VANGL2: variants seen among roughly 807,000 people sequenced by gnomAD.
The protein encoded by VANGL2 is vang-like protein 2.
VANGL2 carries 14 observed loss-of-function variants against 50.2 expected under a neutral mutation model. The observed-to-expected ratio is 0.28, with a 90% confidence interval of 0.18 to 0.44. The LOEUF (loss-of-function observed/expected upper bound fraction) is 0.44. Among genes scored for constraint, VANGL2 ranks in the 20% least tolerant of loss-of-function variants. The pLI is 1.00. For synonymous variants in VANGL2, 295 were observed against 297.2 expected (o/e 0.99, Z 0.08); for missense variants, 533 against 701.5 (o/e 0.76, Z 2.71).
At position 160,400,878 on chromosome 1, in the gene VANGL2, C is replaced by T. The variant is rs1430106398; in HGVS notation, c.-191+9C>T. The stretch of plus-strand genomic sequence containing the variant: ...GCAGTTCGCAGCGGCGGGTGAGTGC[C>T]GGGCCGCGGGGGCGCGGGCAAAGTT... On this transcript the variant is annotated intron_variant, in intron 1 of 7. Transcript: ENST00000368061. 1 of 151,690 alleles carries T rather than the reference C, an allele frequency of 6.6e-6. No homozygotes were observed. The highest frequency in any genetic ancestry group is 1.5e-5 in the Non-Finnish European group (1 of 68,020). 9.4% of individuals were successfully genotyped at this position (151,690 alleles called of 1,614,324 possible).
intron 1 of VANGL2, among the ~76,000 whole-genome samples, chr1:160,407,751 C>T (rs925170166): frequency 3.9e-5 from 6 of 152,182 alleles, no homozygotes; most frequent in African/African-American, 1.2e-4. Context: ...CCACCCTCTC[C>T]CTGAAGACAC....
intron 1 of VANGL2, among the ~76,000 whole-genome samples, chr1:160,412,698 A>G (rs1650923190): frequency 6.6e-6 from 1 of 152,222 alleles, no homozygotes; most frequent in Non-Finnish European, 1.5e-5. Context: ...AACTAATCCT[A>G]TGGAGGATTG....
intron 6 of VANGL2, 127 bp from the exon 7 acceptor site, chr1:160,423,925 T>C: frequency 2.9e-6 from 3 of 1,021,316 alleles, no homozygotes; most frequent in Non-Finnish European, 4.5e-6. Context: ...CCTCTGGCTT[T>C]GTATTACTTT....
In VANGL2 at chr1:160,425,512, C is replaced by T. The variant is rs529068314; in HGVS notation, c.*134C>T. On this transcript the variant is annotated 3_prime_UTR_variant, in exon 8 of 8. Transcript: ENST00000368061. Reference sequence around the variant, plus strand: ...TTTTTTTTTTACTTGAATTAACGCACCCCCACCTTCTCTCCTCGCTTCTTC... The same window carrying T: ...TTTTTTTTTTACTTGAATTAACGCATCCCCACCTTCTCTCCTCGCTTCTTC... 4.9e-6 allele frequency: 4 copies of T among 818,496 alleles called. No homozygotes were observed. Among genetic ancestry groups the T allele is most frequent in the Admixed American group, 2.9e-5 (1 of 34,236 alleles). The allele number at this position is 818,496 out of a possible 1,614,324, so 50.7% of individuals were successfully genotyped here.
At chr1:160,409,951 C>A (rs1650817658) in intron 1 of VANGL2, among the ~76,000 whole-genome samples, 1 of 152,310 alleles carries the variant, frequency 6.6e-6, no homozygotes, top group African/African-American at 2.4e-5. Context: ...CACATGCATA[C>A]CCCTGCCCAC....
At position 160,425,483 on chromosome 1, in the gene VANGL2, G is replaced by T; in HGVS notation, c.*105G>T. On this transcript the variant is annotated 3_prime_UTR_variant, in exon 8 of 8. Coordinates refer to ENST00000368061, the MANE Select transcript of VANGL2 (RefSeq NM_020335.3). ...CATTCCTGCCACCCTTCTTCTTCTT[G>T]CTCTTTTTTTTTTACTTGAATTAAC... 1.0e-6 allele frequency: 1 copy of T among 977,716 alleles called. No homozygotes were observed. Among genetic ancestry groups the T allele is most frequent in the Non-Finnish European group, 1.4e-6 (1 of 725,954 alleles). 60.6% of individuals were successfully genotyped at this position (977,716 alleles called of 1,614,324 possible). A position where few individuals can be genotyped will look rare whatever the true frequency, so the allele number is the denominator to read the frequency against.
rs757175553 is a variant in VANGL2, at chr1:160,427,800, C to G, written c.*2422C>G. On this transcript the variant is annotated 3_prime_UTR_variant, in exon 8 of 8. Coordinates refer to ENST00000368061, the MANE Select transcript of VANGL2 (RefSeq NM_020335.3). ...GTGGGGGTATGCCCACCTCTTACCCCCTTGACACCATAGGGCTGCTGTGGC... is the reference window on the plus strand; with the variant it reads ...GTGGGGGTATGCCCACCTCTTACCCGCTTGACACCATAGGGCTGCTGTGGC... 1.3e-5 allele frequency: 2 copies of G among 152,600 alleles called. No individual in the cohort carries two copies. Among genetic ancestry groups the G allele is most frequent in the Non-Finnish European group, 2.9e-5 (2 of 68,096 alleles). The allele number at this position is 152,600 out of a possible 1,614,324, so 9.5% of individuals were successfully genotyped here.
At position 160,419,437 on chromosome 1, in the gene VANGL2, C is replaced by T; in HGVS notation, c.628C>T (p.Arg210Cys). Residue 210 changes from arginine (R) to cysteine (C), a missense_variant, in exon 4 of 8, where the codon CGC becomes TGC. Arg to Cys is a radical substitution (Grantham distance 180, BLOSUM62 -3). Transcript: ENST00000368061. This position sits in a 1 kb window ranked among gnomAD's most constrained non-coding sequence, Gnocchi z 5.8. ...TGTGCGCATCCTGGATGCTCGGGAG[C>T]GCAGCTACCAGGGCGTGGTGCAGTT... ...YGVRILDARE[R>C]SYQGVVQFAV... 1 of 1,611,196 alleles carries T rather than the reference C, an allele frequency of 6.2e-7. No individual in the cohort carries two copies. Among genetic ancestry groups the T allele is most frequent in the Non-Finnish European group, 8.5e-7 (1 of 1,179,994 alleles).
At chr1:160,408,984 G>C (rs1571237619) in intron 1 of VANGL2, among the ~76,000 whole-genome samples, 1 of 152,328 alleles carries the variant, frequency 6.6e-6, no homozygotes, top group African/African-American at 2.4e-5. Context: ...GGAACATCAA[G>C]GTTCTTAGTT....
intron 2 of VANGL2, 67 bp downstream of exon 2, chr1:160,415,975 G>T (rs547953710): frequency 2.5e-6 from 4 of 1,614,172 alleles, no homozygotes; most frequent in Admixed American, 1.7e-5. Context: ...AGGTGGGCAC[G>T]TGCAGGGGTG....
At chr1:160,418,200 C>T (rs1369874800) in intron 3 of VANGL2, among the ~76,000 whole-genome samples, 3 of 152,108 alleles carry the variant, frequency 2.0e-5, no homozygotes, top group East Asian at 1.9e-4. Flanking sequence ...GGATTACAGG[C>T]GTGAGCCACC....
chr1:160,410,346 C>G (rs1465173996), intron 1 of VANGL2, among the ~76,000 whole-genome samples: 1 of 152,192 alleles, frequency 6.6e-6, no homozygotes, highest in Non-Finnish European at 1.5e-5. Context: ...TGCTCTGTCC[C>G]TGCCCCCCTT....
chr1:160,411,001 G>T (rs1467991443), intron 1 of VANGL2, among the ~76,000 whole-genome samples: 1 of 152,038 alleles, frequency 6.6e-6, no homozygotes, highest in African/African-American at 2.4e-5. Flanking sequence ...GGGCAGCAGG[G>T]ACAAAAGCCC....
chr1:160,421,385 A>G lies in VANGL2; in HGVS notation c.1073+198A>G, dbSNP rs182351964. On this transcript the variant is annotated intron_variant, in intron 6 of 7. Coordinates refer to ENST00000368061, the MANE Select transcript of VANGL2 (RefSeq NM_020335.3). ...AAACAGCACACATTTATTATCTCCC[A>G]GTTCCATGGGTCAGGTGCAGGCTGG... 5.9e-5 allele frequency among the ~76,000 whole-genome samples: 9 copies of G among 152,348 alleles called. No homozygotes were observed. The East Asian group carries it at 1.7e-3, about 29-fold the overall frequency.
At position 160,425,505 on chromosome 1, in the gene VANGL2, T is replaced by G; in HGVS notation, c.*127T>G. 2.3e-6 allele frequency: 2 copies of G among 885,746 alleles called. No individual in the cohort carries two copies. Among genetic ancestry groups the G allele is most frequent in the Admixed American group, 2.9e-5 (1 of 34,720 alleles). 54.9% of individuals were successfully genotyped at this position (885,746 alleles called of 1,614,324 possible). On this transcript the variant is annotated 3_prime_UTR_variant, in exon 8 of 8. Coordinates refer to ENST00000368061, the MANE Select transcript of VANGL2 (RefSeq NM_020335.3). The stretch of plus-strand genomic sequence containing the variant: ...CTTGCTCTTTTTTTTTTACTTGAAT[T>G]AACGCACCCCCACCTTCTCTCCTCG...
chr1:160,422,310 GC>G (rs1355167058), intron 6 of VANGL2, among the ~76,000 whole-genome samples: 1 of 152,190 alleles, frequency 6.6e-6, no homozygotes, highest in Non-Finnish European at 1.5e-5. Flanking sequence ...TTTATCTTCT[GC>G]CCTGACCAGG....
In VANGL2 at chr1:160,402,671, G is replaced by T. The variant is rs79887901; in HGVS notation, c.-191+1802G>T. 2.1e-3 allele frequency among the ~76,000 whole-genome samples: 318 copies of T among 152,208 alleles called. 2 individuals are homozygous for T. In the East Asian group the frequency reaches 0.024, roughly 12 times the overall value. ...CCAGGGCTGAGTGTCTGTGTGTCGG[G>T]AAAGGGCCAGGTACCCATTGCAGGC... is the stretch of plus-strand genomic sequence containing the variant. On this transcript the variant is annotated intron_variant, in intron 1 of 7. Transcript: ENST00000368061.
At position 160,419,705 on chromosome 1, in the gene VANGL2, G is replaced by A; in HGVS notation, c.800+96G>A. 6 of 1,511,814 alleles carry A rather than the reference G, an allele frequency of 4.0e-6. No homozygotes were observed. Among genetic ancestry groups the A allele is most frequent in the Non-Finnish European group, 5.3e-6 (6 of 1,134,938 alleles). The allele number at this position is 1,511,814 out of a possible 1,614,324, so 93.6% of individuals were successfully genotyped here. A position where few individuals can be genotyped will look rare whatever the true frequency, so the allele number is the denominator to read the frequency against. On this transcript the variant is annotated intron_variant, in intron 4 of 7. Transcript: ENST00000368061. The surrounding 1 kb of genome is among the most constrained non-coding windows in gnomAD (Gnocchi z 5.8). The stretch of plus-strand genomic sequence containing the variant: ...GGGAGGGTATGATGGTGGGCTGGAG[G>A]TGATGGGCTTGGAGGGTTGTGTGGG...
In VANGL2 at chr1:160,425,801, T is replaced by A. The variant is rs1651434020; in HGVS notation, c.*423T>A. The A allele has an allele frequency of 6.0e-6, 1 of 166,294 alleles. No homozygotes were observed. The highest frequency in any genetic ancestry group is 1.3e-5 in the Non-Finnish European group (1 of 75,764). 10.3% of individuals were successfully genotyped at this position (166,294 alleles called of 1,614,324 possible). ...TTTCTCTTCAGTGGCCCAACAGGGT[T>A]TCTCTGGGGCACATGGACATGACTC... On this transcript the variant is annotated 3_prime_UTR_variant, in exon 8 of 8. Coordinates refer to ENST00000368061, the MANE Select transcript of VANGL2 (RefSeq NM_020335.3).
Sources: allele counts gnomAD v4.1 joint callset (sites outside exome capture counted in the v4.1 genomes callset), GRCh38; gene constraint gnomAD v4.1.1; non-coding constraint Gnocchi (gnomAD v3.1); transcripts MANE v1.5; gene names NCBI Gene and HGNC (gene_info 2026-07-23, HGNC 2026-07-21).